The following HERC4 variants were observed in gnomAD, a reference collection of about 807,000 sequenced individuals.
The protein encoded by HERC4 is HECT and RLD domain containing E3 ubiquitin protein ligase 4, also known as probable E3 ubiquitin-protein ligase HERC4.
A neutral mutation model predicts 124.3 loss-of-function variants in HERC4; 28 were observed. The observed-to-expected ratio is 0.23, with a 90% CI of 0.17 to 0.31. HERC4 has a LOEUF of 0.31. Ranked by LOEUF, HERC4 falls within the 10% of genes least tolerant of loss-of-function variation. HERC4 has a pLI of 1.00. For synonymous variants in HERC4, 407 were observed against 421.5 expected (o/e 0.97, Z 0.42); for missense variants, 713 against 1,229.3 (o/e 0.58, Z 6.28).
intron 8 of HERC4, among the ~76,000 whole-genome samples, chr10:68,020,003 T>G (rs544361327): frequency 3.3e-5 from 5 of 152,356 alleles, no homozygotes; most frequent in African/African-American, 1.2e-4. Context: ...TTTTCCTTGT[T>G]TCTTTGGGGA....
At chr10:68,019,146 G>A (rs1404254563) in intron 8 of HERC4, among the ~76,000 whole-genome samples, 3 of 151,826 alleles carry the variant, frequency 2.0e-5, no homozygotes, top group Non-Finnish European at 4.4e-5. Context: ...ACAGGCATGT[G>A]CCACCACGCC....
At chr10:68,074,284 T>C (rs1476287134) in intron 1 of HERC4, 2 of 152,216 alleles carry the variant, frequency 1.3e-5, no homozygotes, top group African/African-American at 2.4e-5. Flanking sequence ...TCCACATTCT[T>C]ACAGAGCCTG....
At chr10:67,951,197 CTG>C (rs1386178646) in intron 19 of HERC4, among the ~76,000 whole-genome samples, 1 of 152,154 alleles carries the variant, frequency 6.6e-6, no homozygotes, top group African/African-American at 2.4e-5. Flanking sequence ...AGACAGAACT[CTG>C]TGTTTCTAGC....
rs530481675 is a variant in HERC4, at chr10:67,966,770, A to G, written c.1839T>C (p.Tyr613=). ...GTACTTCATGTATATAAAATTTATC[A>G]TACTGTATAATCTGTCCCATTTTCT... The part of the protein sequence containing the change: ...VNEKMGQIIQ[Y]DKFYIHEVQE... The change falls in exon 16 of 25, where the codon TAT becomes TAC. Residue 613 remains tyrosine, a synonymous_variant. Coordinates refer to ENST00000373700, the MANE Select transcript of HERC4 (RefSeq NM_015601.4). 2.5e-6 allele frequency: 4 copies of G among 1,575,740 alleles called. No individual in the cohort carries two copies. The South Asian group carries it at 3.5e-5, about 14-fold the overall frequency.
intron 3 of HERC4, among the ~76,000 whole-genome samples, chr10:68,055,182 A>AT (rs2040491348): frequency 6.6e-6 from 1 of 152,250 alleles, no homozygotes; most frequent in African/African-American, 2.4e-5. Context: ...GATGGACTTA[A>AT]CAATCATCAC....
chr10:68,023,905 G>C (rs1478486928), intron 8 of HERC4, among the ~76,000 whole-genome samples: 1 of 151,932 alleles, frequency 6.6e-6, no homozygotes, highest in African/African-American at 2.4e-5. Flanking sequence ...ATGCCTTCAG[G>C]TAGGAAAATA....
At position 67,924,521 on chromosome 10, in the gene HERC4, T is replaced by G. The variant is rs80271165; in HGVS notation, c.2941+564A>C. The stretch of plus-strand genomic sequence containing the variant: ...CAGTAGGTATTTGTGTATCTAAACA[T>G]AGAAAAGGTACAGTAGCTGTATTAT... On this transcript the variant is annotated intron_variant, in intron 24 of 24. Transcript: ENST00000373700. Among the ~76,000 whole-genome samples the G allele has an allele frequency of 6.1e-3, 931 of 152,274 alleles. 13 individuals carry two copies. Among genetic ancestry groups the G allele is most frequent in the African/African-American group, 0.021 (866 of 41,556 alleles).
chr10:67,932,279 T>C (rs2031904387), intron 23 of HERC4, among the ~76,000 whole-genome samples: 1 of 152,100 alleles, frequency 6.6e-6, no homozygotes, highest in South Asian at 2.1e-4. Flanking sequence ...AGAGATCAGG[T>C]CTTGCTGTGC....
intron 20 of HERC4, among the ~76,000 whole-genome samples, chr10:67,940,685 T>C (rs2032804813): frequency 6.6e-6 from 1 of 152,186 alleles, no homozygotes; most frequent in Admixed American, 6.5e-5. Context: ...CCTCAGGTGA[T>C]CCACCTGCCT....
In HERC4 at chr10:68,034,152, A is replaced by G. The variant is rs2039343862; in HGVS notation, c.498T>C (p.Tyr166=). 1.9e-6 allele frequency: 3 copies of G among 1,614,140 alleles called. No homozygotes were observed. Among genetic ancestry groups the G allele is most frequent in the South Asian group, 1.1e-5 (1 of 91,080 alleles). Residue 166 remains tyrosine (Y), a synonymous_variant, in exon 6 of 25, where the codon TAT becomes TAC. Coordinates refer to ENST00000373700, the MANE Select transcript of HERC4 (RefSeq NM_015601.4). ...AGTCAGTACCTAAACCCAATTGGCC[A>G]TATTTATTCTGTCCCCAACAGAAGA... The part of the protein sequence containing the change: ...SEVFCWGQNK[Y]GQLGLGTDCK...
chr10:68,014,334 T>C, intron 8 of HERC4, 148 bp from the exon 9 acceptor site: 1 of 691,198 alleles, frequency 1.4e-6, no homozygotes. Flanking sequence ...TGTACAAATA[T>C]TCATTAACAG....
chr10:67,999,076 A>G (rs2037074721), intron 9 of HERC4, among the ~76,000 whole-genome samples: 2 of 152,170 alleles, frequency 1.3e-5, no homozygotes, highest in African/African-American at 4.8e-5. Flanking sequence ...AAATATGTCT[A>G]GGCTTGATCC....
At chr10:68,027,347 T>TAG (rs2038956519) in intron 7 of HERC4, among the ~76,000 whole-genome samples, 1 of 152,218 alleles carries the variant, frequency 6.6e-6, no homozygotes, top group African/African-American at 2.4e-5. Context: ...GTTTCACTGG[T>TAG]GTCTCCCTTT....
chr10:67,937,852 T>G (rs758571894), intron 21 of HERC4, among the ~76,000 whole-genome samples: 13 of 151,930 alleles, frequency 8.6e-5, no homozygotes, highest in Non-Finnish European at 1.3e-4. Flanking sequence ...TGGCTCATTT[T>G]TGTATCTTTA....
Position 67,990,199 on chromosome 10 carries a change from T to C in HERC4, c.1633+12A>G. 1 of 1,573,686 alleles carries C rather than the reference T, an allele frequency of 6.4e-7. No individual in the cohort carries two copies. Among genetic ancestry groups the C allele is most frequent in the Non-Finnish European group, 8.6e-7 (1 of 1,163,440 alleles). ...GAAAAGGTTTCAAAAGAAAAAATATTAGAATTCTTACCAAGTACTTTCAGT... is the reference window on the plus strand; with the variant it reads ...GAAAAGGTTTCAAAAGAAAAAATATCAGAATTCTTACCAAGTACTTTCAGT... On this transcript the variant is annotated intron_variant, in intron 14 of 24. Transcript: ENST00000373700.
At chr10:68,019,699 CTTAGCA>C (rs2038491967) in intron 8 of HERC4, among the ~76,000 whole-genome samples, 1 of 152,190 alleles carries the variant, frequency 6.6e-6, no homozygotes, top group Non-Finnish European at 1.5e-5. Flanking sequence ...AACTTCGGAT[CTTAGCA>C]TGGTAGCAGT....
At chr10:67,972,472 G>A (rs1213952274) in intron 15 of HERC4, among the ~76,000 whole-genome samples, 1 of 132,564 alleles carries the variant, frequency 7.5e-6, no homozygotes, top group African/African-American at 2.8e-5. Context: ...GGTGAGCTGA[G>A]ATCGTGCCTG....
chr10:68,015,868 C>G (rs142940408), intron 8 of HERC4, among the ~76,000 whole-genome samples: 14 of 152,072 alleles, frequency 9.2e-5, no homozygotes, highest in Admixed American at 1.3e-4. Flanking sequence ...TTTGGGAGAC[C>G]GAGGCAGGTG....
intron 15 of HERC4, among the ~76,000 whole-genome samples, chr10:67,984,083 T>A (rs1366662731): frequency 6.6e-6 from 1 of 151,930 alleles, no homozygotes; most frequent in Non-Finnish European, 1.5e-5. Flanking sequence ...AGGTGGATCA[T>A]TTGAGGCCAG....
Sources: allele counts gnomAD v4.1 joint callset (sites outside exome capture counted in the v4.1 genomes callset), GRCh38; gene constraint gnomAD v4.1.1; transcripts MANE v1.5; gene names NCBI Gene and HGNC (gene_info 2026-07-23, HGNC 2026-07-21).